The following TES variants were observed in gnomAD, a reference collection of about 807,000 sequenced individuals.
TES encodes testin LIM domain protein.
In TES, 41 loss-of-function variants were observed where a neutral mutation model predicts 48.2. The ratio of observed to expected loss-of-function variants is 0.85; its 90% CI spans 0.66 to 1.10. The LOEUF is 1.10. Among genes scored for constraint, TES ranks in the 50% least tolerant of loss-of-function variants. The pLI is 0.00. For synonymous variants in TES, 162 were observed against 174.9 expected, an observed-to-expected ratio of 0.93 and a Z score of 0.58; for missense variants, 463 against 515.1, an observed-to-expected ratio of 0.90 and a Z score of 0.98.
intron 1 of TES, among the ~76,000 whole-genome samples, chr7:116,230,804 G>T (rs183156456): frequency 1.1e-3 from 165 of 152,306 alleles, no homozygotes; most frequent in Middle Eastern, 6.8e-3. Flanking sequence ...GCCCTCTTCT[G>T]CCACAGGCCT....
chr7:116,221,790 T>C (rs1195055244), intron 1 of TES, among the ~76,000 whole-genome samples: 1 of 152,202 alleles, frequency 6.6e-6, no homozygotes, highest in East Asian at 1.9e-4. Context: ...ATTTTTGTGC[T>C]TGTTGTTCCA....
chr7:116,252,030 C>G, intron 5 of TES, 55 bp downstream of exon 5: 3 of 1,548,736 alleles, frequency 1.9e-6, no homozygotes, highest in Non-Finnish European at 2.7e-6. Flanking sequence ...CTCATATGGT[C>G]CCTTTACCTA....
intron 1 of TES, among the ~76,000 whole-genome samples, chr7:116,223,789 A>G (rs1214230600): frequency 6.6e-6 from 1 of 152,196 alleles, no homozygotes; most frequent in Non-Finnish European, 1.5e-5. Flanking sequence ...GAAGTGGTAG[A>G]TAAGTACCCC....
chr7:116,240,214 G>A (rs1231453161), intron 2 of TES, among the ~76,000 whole-genome samples: 1 of 152,156 alleles, frequency 6.6e-6, no homozygotes, highest in African/African-American at 2.4e-5. Context: ...TTGTAGCAAT[G>A]CCATGGCCGT....
chr7:116,237,185 T>C lies in TES; in HGVS notation c.113+2566T>C, dbSNP rs571321516. ...TGGGTGAAGTAGACATGGGATCCCATGACCCTGCCCACTTAGCCTCCTCCT... is the reference window on the plus strand; with the variant it reads ...TGGGTGAAGTAGACATGGGATCCCACGACCCTGCCCACTTAGCCTCCTCCT... On this transcript the variant is annotated intron_variant, in intron 2 of 6. Transcript: ENST00000358204. Among the ~76,000 whole-genome samples the C allele has an allele frequency of 3.9e-5, 6 of 152,276 alleles. 1 individual carries two copies. Among genetic ancestry groups the C allele is most frequent in the African/African-American group, 1.4e-4 (6 of 41,568 alleles).
intron 1 of TES, among the ~76,000 whole-genome samples, chr7:116,231,028 G>A (rs1420990005): frequency 6.6e-6 from 1 of 152,168 alleles, no homozygotes; most frequent in Non-Finnish European, 1.5e-5. Context: ...TTTCTTTGGG[G>A]CAGAAATTAG....
chr7:116,210,684 A>C lies in TES; in HGVS notation c.-24A>C, dbSNP rs1799424533. On this transcript the variant is annotated 5_prime_UTR_variant, in exon 1 of 7. Transcript: ENST00000358204. Reference sequence around the variant, plus strand: ...CCGTGGGATCCCGGATAGGAGGAGGAGGGGACCCATAGGACGCGTTAACAT... The same window carrying C: ...CCGTGGGATCCCGGATAGGAGGAGGCGGGGACCCATAGGACGCGTTAACAT... 1 of 1,299,212 alleles carries C rather than the reference A, an allele frequency of 7.7e-7. No homozygotes were observed. The highest frequency in any genetic ancestry group is 2.5e-5 in the South Asian group (1 of 39,450). The allele number at this position is 1,299,212 out of a possible 1,614,324, so 80.5% of individuals were successfully genotyped here. A position where few individuals can be genotyped will look rare whatever the true frequency, so the allele number is the denominator to read the frequency against.
At chr7:116,247,999 G>C (rs1408634494) in intron 2 of TES, among the ~76,000 whole-genome samples, 1 of 152,066 alleles carries the variant, frequency 6.6e-6, no homozygotes, top group Non-Finnish European at 1.5e-5. Context: ...CCTAGTGTCT[G>C]TTAGTTCCAT....
chr7:116,244,040 A>T (rs571045512), intron 2 of TES: 2 of 152,232 alleles, frequency 1.3e-5, no homozygotes, highest in South Asian at 2.1e-4. Flanking sequence ...TGATTCAGTT[A>T]CCTCCCACCA....
intron 1 of TES, among the ~76,000 whole-genome samples, chr7:116,231,273 C>A (rs2116591962): frequency 6.6e-6 from 1 of 152,266 alleles, no homozygotes; most frequent in East Asian, 1.9e-4. Context: ...AAAAGAGCAG[C>A]AGTTCATGAA....
At chr7:116,221,811 G>A (rs1458348548) in intron 1 of TES, among the ~76,000 whole-genome samples, 1 of 152,076 alleles carries the variant, frequency 6.6e-6, no homozygotes, top group African/African-American at 2.4e-5. Flanking sequence ...TTAAAGTGAA[G>A]GAAAATTAAA....
At chr7:116,238,477 T>C (rs1799801608) in intron 2 of TES, 1 of 148,364 alleles carries the variant, frequency 6.7e-6, no homozygotes, top group Non-Finnish European at 1.5e-5. Flanking sequence ...TGTGAATGAT[T>C]TCTATGTGTC....
intron 1 of TES, among the ~76,000 whole-genome samples, chr7:116,225,426 C>A (rs996165444): frequency 6.6e-6 from 1 of 152,110 alleles, no homozygotes; most frequent in Non-Finnish European, 1.5e-5. Context: ...GAATCATCCA[C>A]TTTAATTTGT....
intron 2 of TES, chr7:116,239,047 CT>C (rs1799810526): frequency 6.6e-6 from 1 of 152,216 alleles, no homozygotes; most frequent in Non-Finnish European, 1.5e-5. Flanking sequence ...TGCTTTCAAG[CT>C]CATTCTTGTT....
At chr7:116,241,714 C>T (rs747998081) in intron 2 of TES, among the ~76,000 whole-genome samples, 15 of 152,000 alleles carry the variant, frequency 9.9e-5, no homozygotes, top group Admixed American at 2.6e-4. Context: ...TTACCACTAG[C>T]GTTATTGGTA....
At chr7:116,228,148 A>G (rs952122335) in intron 1 of TES, among the ~76,000 whole-genome samples, 3 of 151,534 alleles carry the variant, frequency 2.0e-5, no homozygotes, top group Admixed American at 2.0e-4. Context: ...CCCATTTCTT[A>G]TTCTAAAATA....
chr7:116,256,797 TGTCA>T (rs929554296), intron 6 of TES, among the ~76,000 whole-genome samples: 11 of 152,214 alleles, frequency 7.2e-5, no homozygotes, highest in African/African-American at 2.7e-4. Context: ...TCTCAAACAC[TGTCA>T]GTATTTTTAA....
intron 2 of TES, chr7:116,237,895 A>C (rs1799794616): frequency 6.6e-6 from 1 of 152,026 alleles, no homozygotes; most frequent in Non-Finnish European, 1.5e-5. Context: ...TTTTCTTATA[A>C]GGTCACCTAT....
intron 2 of TES, chr7:116,244,072 G>A (rs1349487568): frequency 6.6e-6 from 1 of 152,084 alleles, no homozygotes; most frequent in Non-Finnish European, 1.5e-5. Context: ...CAACACGTGG[G>A]GATTATGGGA....
Sources: allele counts gnomAD v4.1 joint callset (sites outside exome capture counted in the v4.1 genomes callset), GRCh38; gene constraint gnomAD v4.1.1; transcripts MANE v1.5; gene names NCBI Gene and HGNC (gene_info 2026-07-23, HGNC 2026-07-21).